The following KCNJ10 variants were observed in gnomAD, a reference collection of about 807,000 sequenced individuals.
KCNJ10 encodes the protein ATP-sensitive inward rectifier potassium channel 10.
In KCNJ10, 9 loss-of-function variants were observed where a neutral mutation model predicts 22.2. The ratio of observed to expected loss-of-function variants is 0.40; its 90% CI spans 0.24 to 0.71. KCNJ10 has a LOEUF of 0.71. Ranked by LOEUF, KCNJ10 falls within the 30% of genes least tolerant of loss-of-function variation. The pLI, the probability that KCNJ10 is intolerant of heterozygous loss-of-function variation, is 0.35. For synonymous variants in KCNJ10, 184 were observed against 187.3 expected, an observed-to-expected ratio of 0.98 and a Z score of 0.15; for missense variants, 337 against 482.7, an observed-to-expected ratio of 0.70 and a Z score of 2.83.
Position 160,045,164 on chromosome 1 carries a change from A to G in KCNJ10, c.1-2632T>C, listed in dbSNP as rs557987641. ...GGATAAGATAAAGAAAAATGAAGAG[A>G]ATGCTAATCTAATTCGGTGACTTTA... On this transcript the variant is annotated intron_variant, in intron 1 of 1. Coordinates refer to ENST00000644903, the MANE Select transcript of KCNJ10 (RefSeq NM_002241.5). Among the ~76,000 whole-genome samples, 29 of 152,328 alleles carry G rather than the reference A, an allele frequency of 1.9e-4. No homozygotes were observed. The East Asian group carries it at 4.2e-3, about 22-fold the overall frequency.
chr1:160,040,839 A>C lies in KCNJ10; in HGVS notation c.*554T>G, dbSNP rs747830339. On this transcript the variant is annotated 3_prime_UTR_variant, in exon 2 of 2. Coordinates refer to ENST00000644903, the MANE Select transcript of KCNJ10 (RefSeq NM_002241.5). ...GCTTATGGTCAGAAGTCACCAGCAG[A>C]AATCAAGCTTCACAGTGGCAAACCC... 47 of 376,124 alleles carry C rather than the reference A, an allele frequency of 1.2e-4. No individual in the cohort carries two copies. In the Middle Eastern group the frequency reaches 3.4e-3, roughly 27 times the overall value. The allele number at this position is 376,124 out of a possible 1,614,324, so 23.3% of individuals were successfully genotyped here.
chr1:160,050,602 A>C lies in KCNJ10; in HGVS notation c.1-8070T>G, dbSNP rs185792721. ...TGATAAGTGCCATGGAAAAGGCATC[A>C]GTGAAGTACAAGAAGAGCTTGTGAA... On this transcript the variant is annotated intron_variant, in intron 1 of 1. Coordinates refer to ENST00000644903, the MANE Select transcript of KCNJ10 (RefSeq NM_002241.5). Among the ~76,000 whole-genome samples the C allele has an allele frequency of 6.6e-5, 10 of 152,328 alleles. No individual in the cohort carries two copies. The East Asian group carries it at 1.5e-3, about 23-fold the overall frequency.
chr1:160,057,555 C>T (rs900443588), intron 1 of KCNJ10, among the ~76,000 whole-genome samples: 3 of 152,222 alleles, frequency 2.0e-5, no homozygotes, highest in African/African-American at 7.2e-5. Context: ...GAGCCAAGTT[C>T]CTTAATTACT....
rs1649113788 is a variant in KCNJ10 at position 160,058,928 on chromosome 1, T to C, written c.-1+11094A>G. Among the ~76,000 whole-genome samples the C allele has an allele frequency of 1.3e-5, 2 of 152,222 alleles. 1 individual carries two copies. The highest frequency in any genetic ancestry group is 2.9e-5 in the Non-Finnish European group (2 of 68,044). On this transcript the variant is annotated intron_variant, in intron 1 of 1. Transcript: ENST00000644903. ...TTCAGGCTTCAGCTTAGATGTCACT[T>C]TCTCTGGAAAGCCTTTCTGGATGCC...
intron 1 of KCNJ10, among the ~76,000 whole-genome samples, chr1:160,060,122 C>T (rs980677724): frequency 1.4e-4 from 21 of 152,118 alleles, no homozygotes; most frequent in Admixed American, 1.1e-3. Flanking sequence ...CTCACCATGA[C>T]TCTGGGAGGC....
chr1:160,052,743 C>T (rs1648933109), intron 1 of KCNJ10, among the ~76,000 whole-genome samples: 1 of 152,148 alleles, frequency 6.6e-6, no homozygotes, highest in African/African-American at 2.4e-5. Flanking sequence ...TAGCTGTGAC[C>T]TCAGTCAAGC....
At chr1:160,060,209 A>T (rs1649151495) in intron 1 of KCNJ10, among the ~76,000 whole-genome samples, 1 of 152,062 alleles carries the variant, frequency 6.6e-6, no homozygotes, top group Non-Finnish European at 1.5e-5. Flanking sequence ...TGGGGTAGGG[A>T]TGGCATGAGG....
At chr1:160,066,227 T>C (rs865913178) in intron 1 of KCNJ10, among the ~76,000 whole-genome samples, 37 of 152,294 alleles carry the variant, frequency 2.4e-4, no homozygotes, top group African/African-American at 8.7e-4. Context: ...GGACATCTGC[T>C]TGGCAAAAAC....
chr1:160,051,429 C>T (rs1465079642), intron 1 of KCNJ10, among the ~76,000 whole-genome samples: 1 of 152,110 alleles, frequency 6.6e-6, no homozygotes, highest in Non-Finnish European at 1.5e-5. Context: ...ATAATTACTG[C>T]TGAGGAAATT....
At chr1:160,057,113 C>T (rs1044092339) in intron 1 of KCNJ10, among the ~76,000 whole-genome samples, 2 of 152,228 alleles carry the variant, frequency 1.3e-5, no homozygotes, top group Admixed American at 6.5e-5. Flanking sequence ...GCAATAAAAC[C>T]TTCCACTATG....
At chr1:160,042,782 CAAAA>C (rs1003471617) in intron 1 of KCNJ10, among the ~76,000 whole-genome samples, 1 of 151,896 alleles carries the variant, frequency 6.6e-6, no homozygotes, top group Non-Finnish European at 1.5e-5. Flanking sequence ...ACTAAAAATA[CAAAA>C]ATTAGCTGGG....
At chr1:160,050,262 T>C (rs904092688) in intron 1 of KCNJ10, among the ~76,000 whole-genome samples, 1 of 151,450 alleles carries the variant, frequency 6.6e-6, no homozygotes, top group Non-Finnish European at 1.5e-5. Context: ...TCCTCCTGAG[T>C]ACCTGGGACT....
At chr1:160,049,706 T>TATA (rs1648854127) in intron 1 of KCNJ10, among the ~76,000 whole-genome samples, 1 of 128,684 alleles carries the variant, frequency 7.8e-6, no homozygotes, top group Admixed American at 8.4e-5. Context: ...TATATATATA[T>TATA]ATATATATAT....
intron 1 of KCNJ10, among the ~76,000 whole-genome samples, chr1:160,068,639 A>G (rs532344532): frequency 2.8e-4 from 43 of 152,248 alleles, no homozygotes; most frequent in Non-Finnish European, 4.7e-4. Flanking sequence ...AGAACCAGCT[A>G]TGAGTCAGGA....
chr1:160,043,593 A>G (rs372591371), intron 1 of KCNJ10, among the ~76,000 whole-genome samples: 13 of 152,242 alleles, frequency 8.5e-5, no homozygotes, highest in African/African-American at 3.1e-4. Flanking sequence ...GAGAAACAAC[A>G]TGTTAAAACT....
chr1:160,047,284 C>G (rs1006725450), intron 1 of KCNJ10, among the ~76,000 whole-genome samples: 22 of 152,180 alleles, frequency 1.4e-4, no homozygotes, highest in Admixed American at 1.4e-3. Flanking sequence ...TTTGCTACTT[C>G]GCTCCTGGGT....
chr1:160,049,683 A>ATATATATATATATATATATATATATT (rs1557970365), intron 1 of KCNJ10, among the ~76,000 whole-genome samples: 35 of 88,232 alleles, frequency 4.0e-4, no homozygotes, highest in African/African-American at 1.9e-3. Context: ...ATTTATATAT[A>ATATATATATATATATATATATATATT]TATATATATA....
intron 1 of KCNJ10, among the ~76,000 whole-genome samples, chr1:160,061,773 A>AGGGGGGGGGGGGGGGGG (rs1553236597): frequency 4.6e-5 from 1 of 21,844 alleles, no homozygotes; most frequent in African/African-American, 1.9e-4. Context: ...GGGTGGAGGG[A>AGGGGGGGGGGGGGGGGG]GGGTGGGTGT....
At chr1:160,066,332 A>G (rs1001820232) in intron 1 of KCNJ10, among the ~76,000 whole-genome samples, 2 of 152,178 alleles carry the variant, frequency 1.3e-5, no homozygotes, top group Non-Finnish European at 2.9e-5. Context: ...AAACTGCTTG[A>G]TAATTCTTCT....
Sources: allele counts gnomAD v4.1 joint callset (sites outside exome capture counted in the v4.1 genomes callset), GRCh38; gene constraint gnomAD v4.1.1; transcripts MANE v1.5; gene names NCBI Gene and HGNC (gene_info 2026-07-23, HGNC 2026-07-21).